Variants in WWOX observed in about 807,000 individuals in gnomAD.
WWOX encodes the protein WW domain-containing oxidoreductase.
Under a neutral mutation model 46.2 loss-of-function variants are expected in WWOX, and 69 were observed. The ratio of observed to expected loss-of-function variants is 1.49; its 90% CI spans 1.23 to 1.82. The LOEUF is 1.82. Ranked by LOEUF, WWOX falls within the 40% of genes most tolerant of loss-of-function variation. The pLI is 0.00. For missense variants in WWOX, 919 were observed against 542.6 expected, an observed-to-expected ratio of 1.69 and a Z score of -6.89; for synonymous variants, 359 against 202.6, an observed-to-expected ratio of 1.77 and a Z score of -6.56.
intron 5 of WWOX, among the ~76,000 whole-genome samples, chr16:78,368,958 C>A (rs1223162469): frequency 6.6e-6 from 1 of 152,158 alleles, no homozygotes; most frequent in African/African-American, 2.4e-5. Flanking sequence ...CATAGACTTC[C>A]TGTCTGCCTT....
intron 8 of WWOX, among the ~76,000 whole-genome samples, chr16:78,693,851 C>T (rs1048853809): frequency 9.2e-5 from 14 of 152,016 alleles, no homozygotes; most frequent in African/African-American, 3.1e-4. Flanking sequence ...CTGTGAATAC[C>T]CTCTCTTTTC....
At chr16:79,082,801 T>G (rs1463526105) in intron 8 of WWOX, among the ~76,000 whole-genome samples, 2 of 152,136 alleles carry the variant, frequency 1.3e-5, no homozygotes, top group Non-Finnish European at 2.9e-5. Flanking sequence ...ATTGAGTATT[T>G]TCTTTTTGCT....
intron 6 of WWOX, among the ~76,000 whole-genome samples, chr16:78,392,989 T>A (rs146294370): frequency 6.6e-6 from 1 of 152,280 alleles, no homozygotes; most frequent in African/African-American, 2.4e-5. Flanking sequence ...TCGGCCAGTG[T>A]GTCTCGGGTC....
At chr16:78,975,359 C>T (rs1248857251) in intron 8 of WWOX, among the ~76,000 whole-genome samples, 1 of 152,050 alleles carries the variant, frequency 6.6e-6, no homozygotes, top group East Asian at 1.9e-4. Flanking sequence ...TGGTTAACAT[C>T]CTACATGAAC....
chr16:78,692,569 C>A (rs997444428), intron 8 of WWOX, among the ~76,000 whole-genome samples: 1 of 152,176 alleles, frequency 6.6e-6, no homozygotes, highest in Non-Finnish European at 1.5e-5. Flanking sequence ...GATTTATAGA[C>A]GTTCCTCTCT....
chr16:78,626,366 C>T (rs897822940), intron 8 of WWOX, among the ~76,000 whole-genome samples: 2 of 152,128 alleles, frequency 1.3e-5, no homozygotes, highest in Admixed American at 1.3e-4. Flanking sequence ...GTGACAGTTT[C>T]TCAGAATTGT....
At chr16:78,716,749 A>C (rs117001830) in intron 8 of WWOX, among the ~76,000 whole-genome samples, 2,815 of 152,180 alleles carry the variant, frequency 0.018, 29 homozygotes, top group South Asian at 0.037. Flanking sequence ...AAGCGTCTCT[A>C]TTCGAATTGC....
At chr16:78,951,102 A>T (rs1402045661) in intron 8 of WWOX, among the ~76,000 whole-genome samples, 1 of 152,224 alleles carries the variant, frequency 6.6e-6, no homozygotes, top group Non-Finnish European at 1.5e-5. Flanking sequence ...TGCCAGTAAC[A>T]AACACAGCCC....
intron 8 of WWOX, among the ~76,000 whole-genome samples, chr16:78,935,067 C>G (rs562934376): frequency 2.6e-5 from 4 of 152,268 alleles, no homozygotes; most frequent in East Asian, 1.9e-4. Context: ...CCATCTCACA[C>G]CAGTTAGAAT....
At chr16:78,800,727 G>A (rs11863800) in intron 8 of WWOX, among the ~76,000 whole-genome samples, 13,596 of 152,152 alleles carry the variant, frequency 0.089, 675 homozygotes, top group African/African-American at 0.14. Context: ...TGAGGGAATT[G>A]TCTAAAATCC....
At chr16:78,650,152 A>C (rs1344700110) in intron 8 of WWOX, among the ~76,000 whole-genome samples, 1 of 152,250 alleles carries the variant, frequency 6.6e-6, no homozygotes, top group Non-Finnish European at 1.5e-5. Context: ...ACGCAGATTA[A>C]GGAAAATAAA....
chr16:78,855,083 G>A (rs1364669639), intron 8 of WWOX, among the ~76,000 whole-genome samples: 2 of 152,038 alleles, frequency 1.3e-5, no homozygotes, highest in African/African-American at 4.8e-5. Flanking sequence ...GGAAAGTGGG[G>A]ACCACCCCCC....
intron 8 of WWOX, among the ~76,000 whole-genome samples, chr16:78,809,903 T>C (rs2051142646): frequency 6.6e-6 from 1 of 152,186 alleles, no homozygotes; most frequent in East Asian, 1.9e-4. Context: ...TCCCGTGGGT[T>C]AGCATGTTCC....
chr16:78,666,074 C>T (rs941820878), intron 8 of WWOX, among the ~76,000 whole-genome samples: 2 of 151,938 alleles, frequency 1.3e-5, no homozygotes, highest in Non-Finnish European at 2.9e-5. Flanking sequence ...TGCTTGAAGC[C>T]AGGAGTTTGA....
intron 8 of WWOX, among the ~76,000 whole-genome samples, chr16:78,810,938 G>T (rs2051172832): frequency 6.7e-6 from 1 of 149,240 alleles, no homozygotes; most frequent in Non-Finnish European, 1.5e-5. Flanking sequence ...AAATACTGCA[G>T]GCAGAGCTGG....
At chr16:78,378,615 A>G (rs2081883168) in intron 5 of WWOX, among the ~76,000 whole-genome samples, 1 of 152,210 alleles carries the variant, frequency 6.6e-6, no homozygotes, top group Non-Finnish European at 1.5e-5. Flanking sequence ...ACTGTGCTCA[A>G]CGCCAGTGTC....
chr16:78,454,214 T>A (rs1272907711), intron 8 of WWOX, among the ~76,000 whole-genome samples: 1 of 152,202 alleles, frequency 6.6e-6, no homozygotes, highest in Non-Finnish European at 1.5e-5. Flanking sequence ...GAAGCCTTGA[T>A]TTCTGTAGGC....
intron 8 of WWOX, among the ~76,000 whole-genome samples, chr16:78,870,868 C>G (rs1450650298): frequency 6.6e-6 from 1 of 152,172 alleles, no homozygotes; most frequent in African/African-American, 2.4e-5. Context: ...TCCCAAAGTG[C>G]TAGGATTATA....
At chr16:78,120,576 CAAA>C (rs11433590) in intron 4 of WWOX, among the ~76,000 whole-genome samples, 2 of 84,414 alleles carry the variant, frequency 2.4e-5, no homozygotes, top group Admixed American at 1.3e-4. Flanking sequence ...GACTCCGTCT[CAAA>C]AAAAAAAAAA....
Sources: allele counts gnomAD v4.1 joint callset (sites outside exome capture counted in the v4.1 genomes callset), GRCh38; gene constraint gnomAD v4.1.1; transcripts MANE v1.5; gene names NCBI Gene and HGNC (gene_info 2026-07-23, HGNC 2026-07-21).